CFAP52: variants seen among roughly 807,000 people sequenced by gnomAD.
The protein encoded by CFAP52 is cilia- and flagella-associated protein 52.
CFAP52 carries 57 observed loss-of-function variants against 70.5 expected under a neutral mutation model. The observed-to-expected ratio is 0.81, with a 90% CI of 0.65 to 1.01. The LOEUF is 1.01. Among genes scored for constraint, CFAP52 ranks in the 50% least tolerant of loss-of-function variants. CFAP52 has a pLI of 0.00. For missense variants in CFAP52, 785 were observed against 788.5 expected (o/e 1.00, Z 0.05); for synonymous variants, 267 against 292.5 (o/e 0.91, Z 0.89).
intron 12 of CFAP52, 33 bp downstream of exon 12, chr17:9,638,744 C>T: frequency 1.2e-6 from 2 of 1,604,002 alleles, no homozygotes; most frequent in African/African-American, 1.3e-5. Context: ...GAGATCTTTC[C>T]AGCGCAAGAG....
chr17:9,576,816 T>G (rs769822678), intron 1 of CFAP52, 51 bp downstream of exon 1: 1 of 1,584,094 alleles, frequency 6.3e-7, no homozygotes, highest in African/African-American at 1.4e-5. Context: ...TCGGAGGACG[T>G]GTAGTGCAAA....
rs140009881 is a variant in CFAP52, at chr17:9,576,715, C to G, written c.20C>G (p.Pro7Arg). MDNKIS[P>R]EAQVAELELD... ...CCAAGGATGGATAACAAAATTTCGC[C>G]GGAGGCCCAAGTGGCGGAGCTGGAA... Residue 7 changes from proline (P) to arginine (R), a missense_variant, in exon 1 of 14, where the codon CCG (proline) becomes CGG (arginine). Physicochemically the swap from Pro to Arg is moderately radical, Grantham distance 103. Transcript: ENST00000352665. 2.5e-5 allele frequency: 41 copies of G among 1,612,168 alleles called. No individual in the cohort carries two copies. The highest frequency in any genetic ancestry group is 3.5e-5 in the Non-Finnish European group (41 of 1,179,110).
chr17:9,605,522 G>A (rs899556763), intron 6 of CFAP52, among the ~76,000 whole-genome samples: 7 of 151,692 alleles, frequency 4.6e-5, no homozygotes, highest in African/African-American at 1.7e-4. Context: ...GACCATCCTG[G>A]CCATCTCTAC....
intron 8 of CFAP52, among the ~76,000 whole-genome samples, chr17:9,612,968 C>T (rs1446886925): frequency 5.3e-5 from 8 of 152,022 alleles, no homozygotes; most frequent in Admixed American, 4.6e-4. Context: ...TGATTTTGCC[C>T]AGCTATAGGC....
At chr17:9,593,715 C>T (rs931492807) in intron 3 of CFAP52, among the ~76,000 whole-genome samples, 3 of 152,160 alleles carry the variant, frequency 2.0e-5, no homozygotes, top group Non-Finnish European at 4.4e-5. Context: ...CTCGGCCTCC[C>T]AAAGTGCTGG....
chr17:9,608,014 C>T (rs981615198), intron 6 of CFAP52, 105 bp from the exon 7 acceptor site: 15 of 755,824 alleles, frequency 2.0e-5, no homozygotes, highest in South Asian at 3.5e-5. Context: ...TTTTTTATTG[C>T]CATATGTTTT....
intron 3 of CFAP52, among the ~76,000 whole-genome samples, chr17:9,591,741 C>T (rs1567622379): frequency 1.3e-5 from 2 of 152,096 alleles, no homozygotes; most frequent in South Asian, 2.1e-4. Flanking sequence ...GAGCCAGGCA[C>T]GGTGGTGTGT....
chr17:9,583,204 A>C (rs1166314135), intron 1 of CFAP52, among the ~76,000 whole-genome samples: 1 of 152,192 alleles, frequency 6.6e-6, no homozygotes, highest in African/African-American at 2.4e-5. Flanking sequence ...TTTAGTAGGA[A>C]TAGATCACCC....
At chr17:9,613,155 T>G (rs1336963740) in intron 8 of CFAP52, among the ~76,000 whole-genome samples, 3 of 151,710 alleles carry the variant, frequency 2.0e-5, no homozygotes, top group Non-Finnish European at 4.4e-5. Context: ...CAAACTTCTT[T>G]CCTGTCATTT....
At position 9,635,502 on chromosome 17, in the gene CFAP52, A is replaced by G; in HGVS notation, c.1418A>G (p.Asn473Ser). Residue 473 changes from asparagine (N) to serine (S), a missense_variant, in exon 11 of 14, where the codon AAC (asparagine) becomes AGC (serine). Coordinates refer to ENST00000352665, the MANE Select transcript of CFAP52 (RefSeq NM_145054.5). ...TCCTGCATTAGGGTGAAGAGGAACA[A>G]CGAGGAGTGTGTCACCGCCAGCACC... ...SVSCIRVKRN[N>S]EECVTASTDG... The G allele has an allele frequency of 6.2e-7, 1 of 1,614,204 alleles. No homozygotes were observed. Among genetic ancestry groups the G allele is most frequent in the Non-Finnish European group, 8.5e-7 (1 of 1,180,036 alleles).
At chr17:9,584,912 G>A (rs952382056) in intron 1 of CFAP52, among the ~76,000 whole-genome samples, 9 of 152,184 alleles carry the variant, frequency 5.9e-5, no homozygotes, top group African/African-American at 1.7e-4. Context: ...GTGAGCAACC[G>A]TGCCTGGCCA....
chr17:9,595,968 AAAAC>A (rs1245522925), intron 4 of CFAP52, among the ~76,000 whole-genome samples: 1 of 149,732 alleles, frequency 6.7e-6, no homozygotes, highest in Non-Finnish European at 1.5e-5. Context: ...GGGAGCTAAA[AAAAC>A]AAAAGAAAAA....
At chr17:9,637,202 G>C (rs73253902) in intron 11 of CFAP52, among the ~76,000 whole-genome samples, 7,349 of 152,238 alleles carry the variant, frequency 0.048, 507 homozygotes, top group African/African-American at 0.16. Flanking sequence ...CTAAGAAGCT[G>C]CCAACTGAGA....
intron 9 of CFAP52, among the ~76,000 whole-genome samples, chr17:9,632,043 G>A (rs1002404223): frequency 6.6e-6 from 1 of 150,492 alleles, no homozygotes; most frequent in Admixed American, 6.6e-5. Flanking sequence ...AAAGCGCTGG[G>A]ATTACAGGTA....
At chr17:9,639,295 G>A (rs1480561548) in intron 12 of CFAP52, 1 of 152,398 alleles carries the variant, frequency 6.6e-6, no homozygotes, top group Non-Finnish European at 1.5e-5. Context: ...GTAGGGTGTG[G>A]TAGCGGGTGC....
chr17:9,636,815 G>A (rs1222070692), intron 11 of CFAP52, among the ~76,000 whole-genome samples: 2 of 152,190 alleles, frequency 1.3e-5, no homozygotes, highest in Non-Finnish European at 2.9e-5. Flanking sequence ...GGGAGGCCGA[G>A]GTGGGAGGAT....
At chr17:9,628,527 C>G (rs2151947692) in intron 8 of CFAP52, 145 bp from the exon 9 acceptor site, 2 of 1,063,258 alleles carry the variant, frequency 1.9e-6, no homozygotes, top group Non-Finnish European at 2.7e-6. Context: ...ATCCACCCCC[C>G]TGGCCTCCCA....
rs77839011 is a variant in CFAP52 at position 9,594,243 on chromosome 17, C to T, written c.458C>T (p.Ala153Val). The part of the protein sequence containing the change: ...AKRDAICGSP[A>V]AGLNVGNATN... ...AGAGATGCCATCTGTGGCAGCCCTG[C>T]AGCCGGCCTCAATGTTGGCAATGCC... Residue 153 changes from alanine to valine, a missense_variant, in exon 4 of 14, where the codon GCA (alanine) becomes GTA (valine). By Grantham distance (64) the Ala-to-Val change is moderately conservative (BLOSUM62 0). Coordinates refer to ENST00000352665, the MANE Select transcript of CFAP52 (RefSeq NM_145054.5). 8,798 of 1,613,894 alleles carry T rather than the reference C, an allele frequency of 5.5e-3. 42 individuals are homozygous for T. Among genetic ancestry groups the T allele is most frequent in the Middle Eastern group, 0.017 (103 of 6,062 alleles).
At chr17:9,623,165 T>C (rs1910112420) in intron 8 of CFAP52, among the ~76,000 whole-genome samples, 1 of 152,190 alleles carries the variant, frequency 6.6e-6, no homozygotes, top group African/African-American at 2.4e-5. Context: ...TTTTGCTGTA[T>C]TGACATTTTT....
Sources: allele counts gnomAD v4.1 joint callset (sites outside exome capture counted in the v4.1 genomes callset), GRCh38; gene constraint gnomAD v4.1.1; transcripts MANE v1.5; gene names NCBI Gene and HGNC (gene_info 2026-07-23, HGNC 2026-07-21).